SLC71A2: variants seen among roughly 807,000 people sequenced by gnomAD.
SLC71A2 encodes hippocampus abundant transcript-like 1.
chr9:94,380,290 C>G, the SLC71A2 span, among the ~76,000 whole-genome samples: 1 of 151,260 alleles, frequency 6.6e-6, no homozygotes, highest in African/African-American at 2.4e-5. Flanking sequence ...AAAGAAATTT[C>G]TCAGTTTCTT....
the SLC71A2 span, among the ~76,000 whole-genome samples, chr9:94,397,759 G>A: frequency 6.6e-6 from 1 of 152,150 alleles, no homozygotes; most frequent in Non-Finnish European, 1.5e-5. Flanking sequence ...TAATCTTGTT[G>A]TTTTTCTCAT....
At chr9:94,399,070 C>G in the SLC71A2 span, among the ~76,000 whole-genome samples, 1 of 151,980 alleles carries the variant, frequency 6.6e-6, no homozygotes, top group African/African-American at 2.4e-5. Flanking sequence ...CCCACCTTGG[C>G]CTCCCAGAGT....
At chr9:94,434,780 A>G in the SLC71A2 span, among the ~76,000 whole-genome samples, 1 of 152,246 alleles carries the variant, frequency 6.6e-6, no homozygotes, top group Non-Finnish European at 1.5e-5. Flanking sequence ...TCTAAGAGAT[A>G]GGTACTCATT....
the SLC71A2 span, among the ~76,000 whole-genome samples, chr9:94,379,796 A>G: frequency 1.3e-5 from 2 of 152,340 alleles, no homozygotes; most frequent in East Asian, 1.9e-4. Flanking sequence ...ATAATTTTAT[A>G]TCTTATTTTG....
chr9:94,455,994 A>G, the SLC71A2 span, among the ~76,000 whole-genome samples: 1 of 152,304 alleles, frequency 6.6e-6, no homozygotes, highest in South Asian at 2.1e-4. Context: ...AAAAGTTTGT[A>G]AAAGAAGTAA....
chr9:94,459,527 A>T, the SLC71A2 span: 1 of 1,022,898 alleles, frequency 9.8e-7, no homozygotes, highest in Non-Finnish European at 1.4e-6. Context: ...CTTCAGGGCC[A>T]AGTTTGATAA....
chr9:94,445,220 T>G, the SLC71A2 span: 3 of 1,504,408 alleles, frequency 2.0e-6, no homozygotes, highest in Non-Finnish European at 2.7e-6. Context: ...TTCCTAAATG[T>G]CTTTCTAAGC....
At chr9:94,384,670 C>T in the SLC71A2 span, among the ~76,000 whole-genome samples, 4 of 152,204 alleles carry the variant, frequency 2.6e-5, no homozygotes, top group East Asian at 3.9e-4. Context: ...GGGTCATTTG[C>T]GTTTTGTTTT....
chr9:94,458,593 G>C, the SLC71A2 span: 2 of 877,378 alleles, frequency 2.3e-6, no homozygotes, highest in Non-Finnish European at 1.8e-6. Flanking sequence ...AATAAGTATT[G>C]TGTTCATTGC....
At chr9:94,374,955 C>T in the SLC71A2 span, 4 of 1,255,250 alleles carry the variant, frequency 3.2e-6, no homozygotes, top group Non-Finnish European at 4.0e-6. Context: ...GCCCGGCTGC[C>T]TGAATCCCGG....
At chr9:94,454,598 T>G in the SLC71A2 span, among the ~76,000 whole-genome samples, 1 of 150,882 alleles carries the variant, frequency 6.6e-6, no homozygotes, top group East Asian at 1.9e-4. Context: ...ACTCCTGACC[T>G]TGTGATCTGC....
At chr9:94,417,883 G>T in the SLC71A2 span, among the ~76,000 whole-genome samples, 1 of 71,838 alleles carries the variant, frequency 1.4e-5, no homozygotes, top group Non-Finnish European at 2.7e-5. Context: ...CCCCGACAGA[G>T]TCTTGCTCTG....
chr9:94,427,470 C>T, the SLC71A2 span, among the ~76,000 whole-genome samples: 18 of 150,780 alleles, frequency 1.2e-4, no homozygotes, highest in Middle Eastern at 3.4e-3. Context: ...TCCATAGATA[C>T]GGTTTTGCCA....
At chr9:94,434,650 A>C in the SLC71A2 span, among the ~76,000 whole-genome samples, 1 of 152,146 alleles carries the variant, frequency 6.6e-6, no homozygotes, top group African/African-American at 2.4e-5. Context: ...TTCAATATCC[A>C]CACAGATTAT....
the SLC71A2 span, among the ~76,000 whole-genome samples, chr9:94,426,261 G>A: frequency 2.6e-5 from 4 of 152,008 alleles, no homozygotes; most frequent in African/African-American, 7.3e-5. Flanking sequence ...AGAGAACTGT[G>A]CTTGTGATTG....
At chr9:94,389,069 G>GT in the SLC71A2 span, among the ~76,000 whole-genome samples, 1 of 151,682 alleles carries the variant, frequency 6.6e-6, no homozygotes, top group Admixed American at 6.6e-5. Flanking sequence ...GCCAGTCCTA[G>GT]TTTTCTCAGT....
the SLC71A2 span, among the ~76,000 whole-genome samples, chr9:94,428,590 A>ACCCC: frequency 2.6e-5 from 3 of 116,048 alleles, no homozygotes; most frequent in African/African-American, 1.1e-4. Flanking sequence ...ACATATGCAT[A>ACCCC]CCCCCCCCCC....
chr9:94,447,478 CCT>C, the SLC71A2 span, among the ~76,000 whole-genome samples: 1 of 118,718 alleles, frequency 8.4e-6, no homozygotes, highest in African/African-American at 3.7e-5. Flanking sequence ...CTGTGCCCAG[CCT>C]GTTTTTTTTT....
At chr9:94,403,415 G>A in the SLC71A2 span, among the ~76,000 whole-genome samples, 5 of 151,780 alleles carry the variant, frequency 3.3e-5, no homozygotes, top group East Asian at 9.7e-4. Flanking sequence ...TGGGATTACA[G>A]GCATGAGCCA....
Sources: gnomAD v4.1 joint callset for allele counts (sites outside exome capture counted in the v4.1 genomes callset) on GRCh38, gnomAD v4.1.1 for gene constraint, MANE v1.5 for transcripts, NCBI Gene and HGNC (gene_info 2026-07-23, HGNC 2026-07-21) for gene names.